PDGFA: variants seen among roughly 807,000 people sequenced by gnomAD.
The protein encoded by PDGFA is platelet derived growth factor subunit A.
PDGFA carries 9 observed loss-of-function variants against 25.6 expected under a neutral mutation model. The observed-to-expected ratio is 0.35, with a 90% confidence interval of 0.21 to 0.61. The LOEUF (loss-of-function observed/expected upper bound fraction) is 0.61. Ranked by LOEUF, PDGFA falls within the 20% of genes least tolerant of loss-of-function variation. PDGFA has a pLI of 0.75. For missense variants in PDGFA, 242 were observed against 272.8 expected, an observed-to-expected ratio of 0.89 and a Z score of 0.79; for synonymous variants, 133 against 111.8, an observed-to-expected ratio of 1.19 and a Z score of -1.20.
intron 4 of PDGFA, among the ~76,000 whole-genome samples, chr7:502,522 C>T (rs1266667725): frequency 6.6e-6 from 1 of 152,190 alleles, no homozygotes; most frequent in Non-Finnish European, 1.5e-5. Context: ...AGGAGGAGCA[C>T]AGGCCAGCAG....
intron 4 of PDGFA, among the ~76,000 whole-genome samples, chr7:505,383 C>G (rs1001183894): frequency 2.6e-5 from 4 of 152,194 alleles, no homozygotes; most frequent in Admixed American, 6.5e-5. Flanking sequence ...CTCAACACTC[C>G]CGGCGCGAAC....
At chr7:501,518 G>A (rs1782339545) in intron 4 of PDGFA, among the ~76,000 whole-genome samples, 4 of 152,150 alleles carry the variant, frequency 2.6e-5, no homozygotes, top group Admixed American at 2.6e-4. Flanking sequence ...TCAAGCTCTT[G>A]GGCTCAAGTG....
chr7:510,786 G>A, intron 4 of PDGFA, 23 bp downstream of exon 4: 1 of 1,174,774 alleles, frequency 8.5e-7, no homozygotes. Context: ...GGGGAGGGGA[G>A]GGGAGGGGAG....
intron 4 of PDGFA, among the ~76,000 whole-genome samples, chr7:507,442 G>A (rs1782609237): frequency 6.6e-6 from 1 of 152,196 alleles, no homozygotes; most frequent in Non-Finnish European, 1.5e-5. Flanking sequence ...ACACTGCACT[G>A]GCCAGAGGGT....
chr7:497,960 A>AAC (rs1562481683), exon 6 of PDGFA: 9 of 81,736 alleles, frequency 1.1e-4, no homozygotes, highest in Non-Finnish European at 2.3e-4. Flanking sequence ...AAAAAAAAAC[A>AAC]AAAAAAAAAA....
chr7:518,920 G>A lies in PDGFA; in HGVS notation c.63+19C>T, dbSNP rs1783234357. The A allele has an allele frequency of 2.7e-6, 4 of 1,502,750 alleles. No homozygotes were observed. Among genetic ancestry groups the A allele is most frequent in the Non-Finnish European group, 3.6e-6 (4 of 1,125,904 alleles). The allele number at this position is 1,502,750 out of a possible 1,614,324, so 93.1% of individuals were successfully genotyped here. On this transcript the variant is annotated intron_variant, in intron 1 of 5. Coordinates refer to ENST00000402802, the Ensembl canonical transcript of PDGFA. ...CCGGAGGAGCCGGCGCAGGGACGGG[G>A]CGCGGGGGCGGCACCAACCTCGGCC...
chr7:509,681 T>C (rs1255415285), intron 4 of PDGFA, among the ~76,000 whole-genome samples: 1 of 152,268 alleles, frequency 6.6e-6, no homozygotes, highest in East Asian at 1.9e-4. Context: ...CCCCTCACAC[T>C]GATGGCAGAG....
intron 4 of PDGFA, among the ~76,000 whole-genome samples, chr7:502,863 C>T (rs1303577040): frequency 6.6e-6 from 1 of 151,934 alleles, no homozygotes; most frequent in Non-Finnish European, 1.5e-5. Flanking sequence ...CACACACACA[C>T]CTGTATAATG....
At chr7:515,804 G>A (rs1218322576) in intron 2 of PDGFA, among the ~76,000 whole-genome samples, 1 of 152,048 alleles carries the variant, frequency 6.6e-6, no homozygotes, top group Middle Eastern at 3.2e-3. Context: ...GAAGCCCCCG[G>A]GTGAGGAATG....
At chr7:502,396 C>T (rs1782380392) in intron 4 of PDGFA, among the ~76,000 whole-genome samples, 1 of 152,174 alleles carries the variant, frequency 6.6e-6, no homozygotes, top group African/African-American at 2.4e-5. Context: ...GACCCATACC[C>T]AGGGTCCCCT....
chr7:520,060 AGCCCCGCGCCCGGCTCCGCGCCGGG>A, upstream of PDGFA: 1 of 397,704 alleles, frequency 2.5e-6, no homozygotes, highest in Non-Finnish European at 5.0e-6. Flanking sequence ...AATCCATCAA[AGCCCCGCGCCCGGCTCCGCGCCGGG>A]GCTCCGCGCC....
intron 4 of PDGFA, among the ~76,000 whole-genome samples, chr7:505,470 AGAAGCTGCAGAGACCCCCTGAG>A (rs1239259830): frequency 6.6e-6 from 1 of 152,224 alleles, no homozygotes. Context: ...TACAAAGCCC[AGAAGCTGCAGAGACCCCCTGAG>A]GAGGGCTTGG....
chr7:516,861 C>G (rs931633819), intron 2 of PDGFA, among the ~76,000 whole-genome samples: 3 of 152,230 alleles, frequency 2.0e-5, no homozygotes, highest in Non-Finnish European at 2.9e-5. Flanking sequence ...AGAAAGACAC[C>G]GGCTTCTGCA....
At chr7:508,810 C>A (rs531060412) in intron 4 of PDGFA, among the ~76,000 whole-genome samples, 1 of 152,080 alleles carries the variant, frequency 6.6e-6, no homozygotes, top group Admixed American at 6.5e-5. Flanking sequence ...CAGCCCCAGC[C>A]AGGCCTCACA....
At chr7:512,554 T>G in intron 2 of PDGFA, 99 bp from the exon 3 acceptor site, 3 of 1,582,972 alleles carry the variant, frequency 1.9e-6, no homozygotes, top group Non-Finnish European at 2.6e-6. Flanking sequence ...TGGGAGCCAC[T>G]GGGGAACAGG....
At chr7:516,098 T>TC (rs1208749674) in intron 2 of PDGFA, among the ~76,000 whole-genome samples, 4 of 122,418 alleles carry the variant, frequency 3.3e-5, no homozygotes, top group East Asian at 2.4e-4. Context: ...GGCAAGGGAT[T>TC]CCCCCCCACA....
rs1010701034 is a variant in PDGFA, at chr7:500,226, C to T, written c.580+890G>A. 3.9e-5 allele frequency among the ~76,000 whole-genome samples: 6 copies of T among 152,186 alleles called. No individual in the cohort carries two copies. Among genetic ancestry groups the T allele is most frequent in the Admixed American group, 1.3e-4 (2 of 15,276 alleles). On this transcript the variant is annotated intron_variant, in intron 5 of 5. Coordinates refer to ENST00000402802, the Ensembl canonical transcript of PDGFA. This position sits in a 1 kb window ranked among gnomAD's most constrained non-coding sequence, Gnocchi z 5.0. Reference sequence around the variant, plus strand: ...ACAAAGCTGGAGGCAGGCTCCCAAGCGGGAGTGAGCCACGGGCCAGGGCGT... The same window carrying T: ...ACAAAGCTGGAGGCAGGCTCCCAAGTGGGAGTGAGCCACGGGCCAGGGCGT...
rs1782810970 is a variant in PDGFA at position 511,126 on chromosome 7, A to AG, written c.266-131dup. 3 of 709,202 alleles carry AG rather than the reference A, an allele frequency of 4.2e-6. No individual in the cohort carries two copies. In the Admixed American group the frequency reaches 7.3e-5, roughly 17 times the overall value. 43.9% of individuals were successfully genotyped at this position (709,202 alleles called of 1,614,324 possible). Reference sequence around the variant, plus strand: ...CCACAGGCCAGGATTCCTCCCAGGCAGCAGAGGCTGAGCTGGGAGCAGAGG... The same window carrying AG: ...CCACAGGCCAGGATTCCTCCCAGGCAGGCAGAGGCTGAGCTGGGAGCAGAGG... On this transcript the variant is annotated intron_variant, in intron 3 of 5. Coordinates refer to ENST00000402802, the Ensembl canonical transcript of PDGFA.
chr7:506,697 G>A (rs921613550), intron 4 of PDGFA, among the ~76,000 whole-genome samples: 1 of 152,160 alleles, frequency 6.6e-6, no homozygotes, highest in Non-Finnish European at 1.5e-5. Flanking sequence ...CTGGGGGAGA[G>A]TCGGGCGTCC....
Sources: gnomAD v4.1 joint callset for allele counts (sites outside exome capture counted in the v4.1 genomes callset) on GRCh38, gnomAD v4.1.1 for gene constraint, Gnocchi (gnomAD v3.1) non-coding constraint, MANE v1.5 for transcripts, NCBI Gene and HGNC (gene_info 2026-07-23, HGNC 2026-07-21) for gene names.